Variants in ACOT7 observed in about 807,000 individuals in gnomAD.
The protein encoded by ACOT7 is cytosolic acyl coenzyme A thioester hydrolase.
A neutral mutation model predicts 40.2 loss-of-function variants in ACOT7; 12 were observed. The ratio of observed to expected loss-of-function variants is 0.30; its 90% confidence interval spans 0.19 to 0.48. ACOT7 has a LOEUF of 0.48. Among genes scored for constraint, ACOT7 ranks in the 20% least tolerant of loss-of-function variants. The pLI, the probability that ACOT7 is intolerant of heterozygous loss-of-function variation, is 0.99. For missense variants in ACOT7, 395 were observed against 530.8 expected (o/e 0.74, Z 2.51); for synonymous variants, 228 against 219.5 (o/e 1.04, Z -0.34).
chr1:6,282,906 T>C lies in ACOT7; in HGVS notation c.830-1620A>G, dbSNP rs780821937. On this transcript the variant is annotated intron_variant, in intron 7 of 8. Transcript: ENST00000361521. This position sits in a 1 kb window ranked among gnomAD's most constrained non-coding sequence, Gnocchi z 4.5. ...CTAAGGAGCTAGAAGTTTCAACAGGTCAGACCTGAGGGTCTCCCAGCATCT... is the reference window on the plus strand; with the variant it reads ...CTAAGGAGCTAGAAGTTTCAACAGGCCAGACCTGAGGGTCTCCCAGCATCT... The C allele has an allele frequency of 2.5e-5, 17 of 683,752 alleles. No homozygotes were observed. The highest frequency in any genetic ancestry group is 2.9e-4 in the Middle Eastern group (1 of 3,486). The allele number at this position is 683,752 out of a possible 1,614,324, so 42.4% of individuals were successfully genotyped here.
rs999891042 is a variant in ACOT7 at position 6,356,168 on chromosome 1, T to C, written c.144-6302A>G. ...TTATAGGAACAGGGAAGTCTCGACA[T>C]GAGACACAGGAGGTCCAGGTGAAGA... On this transcript the variant is annotated intron_variant, in intron 1 of 8. Transcript: ENST00000361521. Among the ~76,000 whole-genome samples the C allele has an allele frequency of 3.3e-5, 5 of 152,110 alleles. 1 individual carries two copies. In the South Asian group the frequency reaches 1.0e-3, roughly 31 times the overall value.
chr1:6,371,219 T>C (rs539833902), intron 1 of ACOT7, among the ~76,000 whole-genome samples: 44 of 152,336 alleles, frequency 2.9e-4, no homozygotes, highest in African/African-American at 9.4e-4. Flanking sequence ...CATCCAGGAT[T>C]TGTTGTTCCA....
chr1:6,298,607 C>T (rs1305901676), intron 6 of ACOT7, among the ~76,000 whole-genome samples: 2 of 152,178 alleles, frequency 1.3e-5, no homozygotes, highest in Non-Finnish European at 2.9e-5. Flanking sequence ...AATAAGATGC[C>T]GCTCCGGGTG....
intron 8 of ACOT7, among the ~76,000 whole-genome samples, chr1:6,269,524 C>T (rs1013168866): frequency 1.3e-5 from 2 of 152,232 alleles, no homozygotes; most frequent in East Asian, 1.9e-4. Flanking sequence ...CTGCTTCTCT[C>T]GAGGTCAGTT....
intron 8 of ACOT7, among the ~76,000 whole-genome samples, chr1:6,270,465 C>T (rs1638998625): frequency 6.6e-6 from 1 of 152,186 alleles, no homozygotes; most frequent in South Asian, 2.1e-4. Flanking sequence ...CTCCTCCGAG[C>T]CTCTGGGGCT....
intron 6 of ACOT7, among the ~76,000 whole-genome samples, chr1:6,310,546 T>C (rs978664549): frequency 3.3e-5 from 5 of 152,164 alleles, no homozygotes; most frequent in Non-Finnish European, 7.4e-5. Context: ...TTGCTGGACA[T>C]AGGGACACGG....
chr1:6,331,316 G>A (rs903803377), intron 4 of ACOT7, among the ~76,000 whole-genome samples: 1 of 152,210 alleles, frequency 6.6e-6, no homozygotes, highest in Admixed American at 6.5e-5. Flanking sequence ...AGAATGGGAC[G>A]GGCCCTGAGC....
At chr1:6,323,088 C>T (rs1460796487) in intron 5 of ACOT7, among the ~76,000 whole-genome samples, 1 of 152,048 alleles carries the variant, frequency 6.6e-6, no homozygotes, top group South Asian at 2.1e-4. Context: ...TGAGATCATG[C>T]TGTTGCACTC....
intron 8 of ACOT7, among the ~76,000 whole-genome samples, chr1:6,273,176 C>T (rs1214739391): frequency 6.6e-6 from 1 of 152,228 alleles, no homozygotes; most frequent in African/African-American, 2.4e-5. Flanking sequence ...GCTGTCTGGA[C>T]ACAGTGGATC....
chr1:6,386,177 A>T (rs1642438141), intron 1 of ACOT7, among the ~76,000 whole-genome samples: 1 of 152,198 alleles, frequency 6.6e-6, no homozygotes, highest in African/African-American at 2.4e-5. Flanking sequence ...AACACACCGC[A>T]CAACACGGCA....
intron 1 of ACOT7, among the ~76,000 whole-genome samples, chr1:6,386,147 C>T (rs1010020586): frequency 6.6e-6 from 1 of 152,202 alleles, no homozygotes; most frequent in Non-Finnish European, 1.5e-5. Context: ...TGGAAGGCTG[C>T]GGGGAAGCCG....
Position 6,294,878 on chromosome 1 carries a change from T to C in ACOT7, c.815A>G (p.Asp272Gly). The C allele has an allele frequency of 1.2e-6, 2 of 1,613,974 alleles. No individual in the cohort carries two copies. The highest frequency in any genetic ancestry group is 1.3e-5 in the African/African-American group (1 of 75,044). ...TASVDAINFH[D>G]KIRKGCVITI... ...AGAGTGGTTACCTTTTCTGATCTTG[T>C]CATGAAAATTAATGGCGTCCACGGA... The change falls in exon 7 of 9, where the codon GAC becomes GGC. Residue 272 changes from aspartate (D) to glycine (G), a missense_variant. Physicochemically the swap from Asp to Gly is moderately conservative, Grantham distance 94 (BLOSUM62 -1). Around this residue, in one of 2 missense-constraint regions of ACOT7, gnomAD observed 309 missense variants for 470.3 expected, o/e 0.66. Transcript: ENST00000361521. This position sits in a 1 kb window ranked among gnomAD's most constrained non-coding sequence, Gnocchi z 4.6.
At chr1:6,285,828 T>C (rs1252916894) in intron 7 of ACOT7, among the ~76,000 whole-genome samples, 1 of 152,136 alleles carries the variant, frequency 6.6e-6, no homozygotes, top group Non-Finnish European at 1.5e-5. Context: ...AAGTCTGCCT[T>C]GATTCAGCCC....
intron 6 of ACOT7, among the ~76,000 whole-genome samples, chr1:6,298,327 G>C (rs924785486): frequency 6.6e-6 from 1 of 152,096 alleles, no homozygotes; most frequent in Non-Finnish European, 1.5e-5. Context: ...TGGAGTCGGG[G>C]TTTCACCATG....
At chr1:6,335,654 C>A (rs951925365) in intron 3 of ACOT7, among the ~76,000 whole-genome samples, 2 of 152,198 alleles carry the variant, frequency 1.3e-5, no homozygotes, top group Non-Finnish European at 2.9e-5. Context: ...CCTGAACCTG[C>A]CTCCCCAAGG....
chr1:6,295,841 T>G (rs1639797441), intron 6 of ACOT7, among the ~76,000 whole-genome samples: 1 of 151,964 alleles, frequency 6.6e-6, no homozygotes, highest in African/African-American at 2.4e-5. Flanking sequence ...TGGTCTCAAA[T>G]TGACGGCAAT....
chr1:6,264,742 C>A, intron 8 of ACOT7, 47 bp from the exon 9 acceptor site: 1 of 1,592,010 alleles, frequency 6.3e-7, no homozygotes, highest in South Asian at 1.1e-5. Flanking sequence ...ACTGCAGAAC[C>A]AGTGCCGTGG....
chr1:6,340,287 A>G (rs1284807171), intron 2 of ACOT7, among the ~76,000 whole-genome samples: 1 of 152,164 alleles, frequency 6.6e-6, no homozygotes, highest in Admixed American at 6.6e-5. Context: ...ATTCCTAAAC[A>G]CAAAAGCACA....
intron 3 of ACOT7, among the ~76,000 whole-genome samples, chr1:6,334,004 A>G (rs893728834): frequency 2.6e-5 from 4 of 152,062 alleles, no homozygotes; most frequent in African/African-American, 9.7e-5. Context: ...ACAACACCCA[A>G]CAGGGATCAC....
Sources: allele counts gnomAD v4.1 joint callset (sites outside exome capture counted in the v4.1 genomes callset), GRCh38; gene constraint gnomAD v4.1.1; regional missense constraint gnomAD v4.1.1; non-coding constraint Gnocchi (gnomAD v3.1); transcripts MANE v1.5; gene names NCBI Gene and HGNC (gene_info 2026-07-23, HGNC 2026-07-21).